HM13: variants seen among roughly 807,000 people sequenced by gnomAD.
The protein encoded by HM13 is signal peptide peptidase.
A neutral mutation model predicts 50.0 loss-of-function variants in HM13; 18 were observed. The observed-to-expected ratio is 0.36, with a 90% CI of 0.25 to 0.53. The LOEUF (loss-of-function observed/expected upper bound fraction) is 0.53. Ranked by LOEUF, HM13 falls within the 20% of genes least tolerant of loss-of-function variation. The probability of loss-of-function intolerance (pLI) is 0.90; values close to 1 mark genes in which losing one functional copy is unlikely to be tolerated. For missense variants in HM13, 393 were observed against 552.4 expected, an observed-to-expected ratio of 0.71 and a Z score of 2.89; for synonymous variants, 197 against 232.6, an observed-to-expected ratio of 0.85 and a Z score of 1.39.
At chr20:31,568,742 G>T (rs992940295) in intron 12 of HM13, among the ~76,000 whole-genome samples, 1 of 152,220 alleles carries the variant, frequency 6.6e-6, no homozygotes, top group Non-Finnish European at 1.5e-5. Flanking sequence ...GATTCATGCT[G>T]TGTGCCCTGG....
intron 1 of HM13, among the ~76,000 whole-genome samples, chr20:31,523,543 A>G (rs113400846): frequency 0.11 from 16,039 of 152,208 alleles, 986 homozygotes; most frequent in Non-Finnish European, 0.12. Context: ...GATTACAGGC[A>G]TGAGCCACCA....
At chr20:31,541,988 G>T (rs576553281) in intron 3 of HM13, among the ~76,000 whole-genome samples, 2 of 152,222 alleles carry the variant, frequency 1.3e-5, no homozygotes, top group South Asian at 2.1e-4. Context: ...AAAGTGAAGT[G>T]GGGGGAGCTT....
intron 2 of HM13, among the ~76,000 whole-genome samples, chr20:31,529,895 A>T (rs1982710982): frequency 6.6e-6 from 1 of 152,032 alleles, no homozygotes; most frequent in Non-Finnish European, 1.5e-5. Flanking sequence ...TGAACCCGGG[A>T]GGCAGAGGTT....
At chr20:31,523,054 C>CTT (rs1180366650) in intron 1 of HM13, among the ~76,000 whole-genome samples, 6 of 106,978 alleles carry the variant, frequency 5.6e-5, no homozygotes, top group African/African-American at 1.6e-4. Flanking sequence ...GGGAGGGGGG[C>CTT]TTTTTTTTTT....
chr20:31,534,585 T>G (rs1348048143), intron 2 of HM13, among the ~76,000 whole-genome samples: 1 of 150,006 alleles, frequency 6.7e-6, no homozygotes, highest in African/African-American at 2.5e-5. Flanking sequence ...GAGTTAAAGA[T>G]CAGCCTGGCC....
intron 9 of HM13, among the ~76,000 whole-genome samples, chr20:31,561,150 T>C (rs993529219): frequency 2.6e-5 from 4 of 152,252 alleles, no homozygotes; most frequent in African/African-American, 4.8e-5. Context: ...TAGTAACTTA[T>C]CTTTGCAGTT....
At position 31,566,192 on chromosome 20, in the gene HM13, G is replaced by C. The variant is rs376363456; in HGVS notation, c.949-18G>C. 2 of 1,609,078 alleles carry C rather than the reference G, an allele frequency of 1.2e-6. No homozygotes were observed. Among genetic ancestry groups the C allele is most frequent in the Admixed American group, 1.7e-5 (1 of 60,000 alleles). Reference sequence around the variant, plus strand: ...TGCCGTGCCCAGCATGGCTTCACCAGCCTGTGTCCTCTCATAGCCTGCCCT... The same window carrying C: ...TGCCGTGCCCAGCATGGCTTCACCACCCTGTGTCCTCTCATAGCCTGCCCT... On this transcript the variant is annotated intron_variant, in intron 10 of 12. Coordinates refer to ENST00000398174, the MANE Select transcript of HM13 (RefSeq NM_178581.3).
intron 1 of HM13, among the ~76,000 whole-genome samples, chr20:31,516,257 G>C (rs150301090): frequency 1.5e-4 from 23 of 152,314 alleles, no homozygotes; most frequent in Admixed American, 3.3e-4. Flanking sequence ...AGCTTGATCT[G>C]AGCTGCTCTC....
chr20:31,517,354 G>C (rs1290847531), intron 1 of HM13, among the ~76,000 whole-genome samples: 1 of 152,186 alleles, frequency 6.6e-6, no homozygotes, highest in Non-Finnish European at 1.5e-5. Flanking sequence ...CACTGTCAGA[G>C]TCCTATATCC....
chr20:31,521,126 G>T (rs1472832158), intron 1 of HM13, among the ~76,000 whole-genome samples: 1 of 152,150 alleles, frequency 6.6e-6, no homozygotes, highest in Non-Finnish European at 1.5e-5. Context: ...AATTGGATTG[G>T]TAAAGAATCC....
intron 2 of HM13, chr20:31,527,893 G>T: frequency 4.4e-6 from 1 of 226,258 alleles, no homozygotes. Context: ...CCATACTAAT[G>T]GCCTTTTTTT....
chr20:31,518,996 C>T (rs889448948), intron 1 of HM13, among the ~76,000 whole-genome samples: 1 of 152,130 alleles, frequency 6.6e-6, no homozygotes, highest in African/African-American at 2.4e-5. Context: ...CCAAGCTGCC[C>T]TATTTCCCTC....
At chr20:31,517,589 G>T (rs1470952528) in intron 1 of HM13, among the ~76,000 whole-genome samples, 1 of 152,056 alleles carries the variant, frequency 6.6e-6, no homozygotes, top group African/African-American at 2.4e-5. Context: ...CCTCCTGGAG[G>T]GGGCAGCAGT....
intron 10 of HM13, chr20:31,562,770 AAAGGCCCCTAGCCCAT>A (rs1984690655): frequency 1.3e-5 from 2 of 152,242 alleles, no homozygotes. Context: ...TAGAAGGTCA[AAAGGCCCCTAGCCCAT>A]AATTAGAAAA....
Position 31,514,753 on chromosome 20 carries a change from C to G in HM13, c.183+19C>G. The G allele has an allele frequency of 1.3e-6, 2 of 1,508,324 alleles. No individual in the cohort carries two copies. The highest frequency in any genetic ancestry group is 1.8e-6 in the Non-Finnish European group (2 of 1,129,822). 93.4% of individuals were successfully genotyped at this position (1,508,324 alleles called of 1,614,324 possible). ...CGGCAAGGTAGGGTCAGCGGGAAAA[C>G]CGGGCACTTTCCACCCCCATACCGA... is the stretch of plus-strand genomic sequence containing the variant. On this transcript the variant is annotated intron_variant, in intron 1 of 12. Transcript: ENST00000398174. This position sits in a 1 kb window ranked among gnomAD's most constrained non-coding sequence, Gnocchi z 4.3.
At chr20:31,562,940 G>A (rs1219106572) in intron 10 of HM13, among the ~76,000 whole-genome samples, 2 of 152,158 alleles carry the variant, frequency 1.3e-5, no homozygotes, top group Admixed American at 6.6e-5. Context: ...ACCTTTTGGA[G>A]GTCTCTGCAG....
At chr20:31,567,590 C>T (rs1192350184) in intron 11 of HM13, 1 of 152,328 alleles carries the variant, frequency 6.6e-6, no homozygotes, top group East Asian at 1.9e-4. Context: ...CTATTCTCCT[C>T]CTTTTTTTAT....
intron 2 of HM13, among the ~76,000 whole-genome samples, chr20:31,533,408 G>C (rs111665288): frequency 6.6e-6 from 1 of 152,352 alleles, no homozygotes; most frequent in African/African-American, 2.4e-5. Flanking sequence ...GGGAGGCTGA[G>C]GCAGGAGAAT....
intron 1 of HM13, among the ~76,000 whole-genome samples, chr20:31,523,024 G>C (rs1324661658): frequency 7.1e-6 from 1 of 140,220 alleles, no homozygotes; most frequent in Non-Finnish European, 1.5e-5. Context: ...CATTATAATA[G>C]CCTGTTTGGG....
Sources: gnomAD v4.1 joint callset for allele counts (sites outside exome capture counted in the v4.1 genomes callset) on GRCh38, gnomAD v4.1.1 for gene constraint, Gnocchi (gnomAD v3.1) non-coding constraint, MANE v1.5 for transcripts, NCBI Gene and HGNC (gene_info 2026-07-23, HGNC 2026-07-21) for gene names.